The following TMEM132B variants were observed in gnomAD, a reference collection of about 807,000 sequenced individuals.
TMEM132B encodes the protein transmembrane protein 132B.
Under a neutral mutation model 90.8 loss-of-function variants are expected in TMEM132B, and 18 were observed. The ratio of observed to expected loss-of-function variants is 0.20; its 90% CI spans 0.14 to 0.29. The LOEUF (loss-of-function observed/expected upper bound fraction) is 0.29, where lower values mean the gene tolerates loss of function less well. TMEM132B is among the 10% of genes least tolerant of loss of function. The pLI is 1.00. For synonymous variants in TMEM132B, 504 were observed against 523.3 expected (o/e 0.96, Z 0.50); for missense variants, 1,096 against 1,326.8 (o/e 0.83, Z 2.70).
chr12:125,420,967 T>G, intron 3 of TMEM132B, among the ~76,000 whole-genome samples: 1 of 151,544 alleles, frequency 6.6e-6, no homozygotes, highest in Non-Finnish European at 1.5e-5. Flanking sequence ...GTCTCTTTGC[T>G]AAAACATAGC....
rs1380398134 is a variant in TMEM132B at position 125,654,117 on chromosome 12, A to C, written c.2659A>C (p.Asn887His). The change falls in exon 9 of 9, where the codon AAT becomes CAT. Residue 887 changes from asparagine (N) to histidine (H), a missense_variant. Physicochemically the swap from Asn to His is moderately conservative, Grantham distance 68. Coordinates refer to ENST00000682704, the MANE Select transcript of TMEM132B (RefSeq NM_001366854.1). This position sits in a 1 kb window ranked among gnomAD's most constrained non-coding sequence, Gnocchi z 5.8. ...CACTCAAGGGAAGTCACCGGACCCC[A>C]ATAATCCTAGTGACCTCACAGTGAC... ...FPTQGKSPDP[N>H]NPSDLTVTSR... The C allele has an allele frequency of 6.2e-7, 1 of 1,614,210 alleles. No homozygotes were observed. Among genetic ancestry groups the C allele is most frequent in the African/African-American group, 1.3e-5 (1 of 75,054 alleles).
In TMEM132B at chr12:125,547,553, A is replaced by G. The variant is rs1592986468; in HGVS notation, c.1293+27928A>G. The stretch of plus-strand genomic sequence containing the variant: ...TTTTGGAATCTGTTTTGTTCCTCTG[A>G]GGATTTTTGTCTTTTGTTGTTGTTG... On this transcript the variant is annotated intron_variant, in intron 4 of 8. Transcript: ENST00000682704. Among the ~76,000 whole-genome samples, 3 of 152,162 alleles carry G rather than the reference A, an allele frequency of 2.0e-5. No homozygotes were observed. In the South Asian group the frequency reaches 6.2e-4, roughly 32 times the overall value.
intron 1 of TMEM132B, among the ~76,000 whole-genome samples, chr12:125,259,632 T>G (rs990414613): frequency 6.6e-6 from 1 of 152,150 alleles, no homozygotes; most frequent in African/African-American, 2.4e-5. Flanking sequence ...TTTCTGTAAT[T>G]AATCCCCGGG....
chr12:125,240,674 C>T (rs1354434425), intron 1 of TMEM132B, among the ~76,000 whole-genome samples: 2 of 152,186 alleles, frequency 1.3e-5, no homozygotes, highest in African/African-American at 4.8e-5. Flanking sequence ...CAGAGCATGT[C>T]AGCTCCAACA....
At chr12:125,269,304 G>A (rs1874767198) in intron 1 of TMEM132B, among the ~76,000 whole-genome samples, 1 of 152,272 alleles carries the variant, frequency 6.6e-6, no homozygotes, top group Non-Finnish European at 1.5e-5. Flanking sequence ...TTCCTCCTGC[G>A]GCACCAGGAA....
At chr12:125,438,909 C>A (rs1374991315) in intron 3 of TMEM132B, among the ~76,000 whole-genome samples, 19 of 152,164 alleles carry the variant, frequency 1.2e-4, no homozygotes, top group Admixed American at 1.2e-3. Flanking sequence ...GTTCTTTTAT[C>A]CCTTTGCTGT....
Position 125,519,503 on chromosome 12 carries a change from G to A in TMEM132B, c.1171G>A (p.Ala391Thr). 1 of 1,614,122 alleles carries A rather than the reference G, an allele frequency of 6.2e-7. No individual in the cohort carries two copies. The highest frequency in any genetic ancestry group is 8.5e-7 in the Non-Finnish European group (1 of 1,180,008). ...DFGIDNSSDL[A>T]GAQQITWQVE... Reference sequence around the variant, plus strand: ...TGGAATTGATAATAGCAGTGACCTGGCTGGGGCCCAGCAGATTACCTGGCA... The same window carrying A: ...TGGAATTGATAATAGCAGTGACCTGACTGGGGCCCAGCAGATTACCTGGCA... The change falls in exon 4 of 9, where the codon GCT (alanine) becomes ACT (threonine). Residue 391 changes from alanine to threonine, a missense_variant. Transcript: ENST00000682704.
chr12:125,439,201 G>C (rs1880793677), intron 3 of TMEM132B, among the ~76,000 whole-genome samples: 1 of 151,928 alleles, frequency 6.6e-6, no homozygotes, highest in Non-Finnish European at 1.5e-5. Context: ...GTTCCGTGAA[G>C]AATGTGGTTT....
intron 1 of TMEM132B, among the ~76,000 whole-genome samples, chr12:125,255,611 G>A (rs949069522): frequency 2.6e-5 from 4 of 152,180 alleles, no homozygotes; most frequent in African/African-American, 7.2e-5. Context: ...TCCACCTAGC[G>A]CACCTGCTTG....
At chr12:125,523,361 C>T (rs947083421) in intron 4 of TMEM132B, among the ~76,000 whole-genome samples, 1 of 152,062 alleles carries the variant, frequency 6.6e-6, no homozygotes, top group Non-Finnish European at 1.5e-5. Context: ...TTCCTTGGCT[C>T]GTGGGTCCAC....
chr12:125,191,754 T>C (rs563194293), intron 1 of TMEM132B, among the ~76,000 whole-genome samples: 1 of 152,326 alleles, frequency 6.6e-6, no homozygotes, highest in East Asian at 1.9e-4. Flanking sequence ...CCCTGAGTGA[T>C]TAGATGGCTA....
At chr12:125,414,452 A>C (rs572394633) in intron 2 of TMEM132B, among the ~76,000 whole-genome samples, 151 of 152,126 alleles carry the variant, frequency 9.9e-4, no homozygotes, top group African/African-American at 3.4e-3. Flanking sequence ...GACATCCTCT[A>C]ACTCCTCCAC....
chr12:125,480,503 A>C (rs1477530780), intron 3 of TMEM132B, among the ~76,000 whole-genome samples: 1 of 152,218 alleles, frequency 6.6e-6, no homozygotes, highest in African/African-American at 2.4e-5. Flanking sequence ...AAACTAGAAA[A>C]TCTAGAAGAA....
chr12:125,426,055 A>T (rs755798042), intron 3 of TMEM132B, among the ~76,000 whole-genome samples: 1 of 152,232 alleles, frequency 6.6e-6, no homozygotes, highest in Non-Finnish European at 1.5e-5. Context: ...AGCATTTTTC[A>T]TTCCAATCAG....
intron 1 of TMEM132B, among the ~76,000 whole-genome samples, chr12:125,319,229 G>A (rs186803138): frequency 2.4e-4 from 36 of 152,350 alleles, no homozygotes; most frequent in African/African-American, 3.4e-4. Context: ...CACGTGTAGC[G>A]TGTTTAGCTC....
At chr12:125,266,423 C>T (rs4765032) in intron 1 of TMEM132B, among the ~76,000 whole-genome samples, 121,941 of 152,168 alleles carry the variant, frequency 0.8, 48,979 homozygotes, top group Middle Eastern at 0.84. Flanking sequence ...CTGGGTATTA[C>T]CTTCCCTTTA....
chr12:125,263,640 G>T, intron 1 of TMEM132B, among the ~76,000 whole-genome samples: 1 of 152,158 alleles, frequency 6.6e-6, no homozygotes, highest in African/African-American at 2.4e-5. Flanking sequence ...AATGAATGAA[G>T]TGTTTCAAAA....
At chr12:125,468,551 T>G (rs188083825) in intron 3 of TMEM132B, among the ~76,000 whole-genome samples, 1 of 152,342 alleles carries the variant, frequency 6.6e-6, no homozygotes, top group Admixed American at 6.5e-5. Context: ...TATGTGGCTT[T>G]GTTTAAGATC....
chr12:125,191,214 T>G (rs1403786610), intron 1 of TMEM132B, among the ~76,000 whole-genome samples: 2 of 107,838 alleles, frequency 1.9e-5, no homozygotes, highest in Non-Finnish European at 3.8e-5. Context: ...GTGATGGTGA[T>G]GGGGAAGGGG....
Sources: allele counts gnomAD v4.1 joint callset (sites outside exome capture counted in the v4.1 genomes callset), GRCh38; gene constraint gnomAD v4.1.1; non-coding constraint Gnocchi (gnomAD v3.1); transcripts MANE v1.5; gene names NCBI Gene and HGNC (gene_info 2026-07-23, HGNC 2026-07-21).